The following FER1L5 variants were observed in gnomAD, a reference collection of about 807,000 sequenced individuals.
The protein encoded by FER1L5 is fer-1 like family member 5.
A neutral mutation model predicts 279.9 loss-of-function variants in FER1L5; 187 were observed. That is an observed-to-expected ratio of 0.67 (90% confidence interval 0.59 to 0.75). The LOEUF is 0.75. Ranked by LOEUF, FER1L5 falls within the 30% of genes least tolerant of loss-of-function variation. The probability of loss-of-function intolerance (pLI) is 0.00; values close to 1 mark genes in which losing one functional copy is unlikely to be tolerated. For synonymous variants in FER1L5, 921 were observed against 989.7 expected (o/e 0.93, Z 1.30); for missense variants, 2,091 against 2,594.4 (o/e 0.81, Z 4.21).
At position 96,690,372 on chromosome 2, in the gene FER1L5, G is replaced by GCAC. The variant is rs1184686468; in HGVS notation, c.2641-115_2641-114insCAC. ...GGTGTGGCAAGCACAGTCTGGCCTG[G>GCAC]AGTGGGAGGCTGCTGCGGCCACAGC... On this transcript the variant is annotated intron_variant, in intron 26 of 52. Transcript: ENST00000624922. 3.5e-6 allele frequency: 3 copies of GCAC among 866,668 alleles called. No homozygotes were observed. The African/African-American group carries it at 5.0e-5, about 14-fold the overall frequency. The allele number at this position is 866,668 out of a possible 1,614,324, so 53.7% of individuals were successfully genotyped here. A position where few individuals can be genotyped will look rare whatever the true frequency, so the allele number is the denominator to read the frequency against.
Position 96,694,555 on chromosome 2 carries a change from T to A in FER1L5, c.3741+91T>A. The stretch of plus-strand genomic sequence containing the variant: ...CCTTCTGCTGGTCCTCCCTGACTAC[T>A]GGATCCAAAGCTCACACCCCGAAAA... On this transcript the variant is annotated intron_variant, in intron 34 of 52. Coordinates refer to ENST00000624922, the MANE Select transcript of FER1L5 (RefSeq NM_001293083.2). This position sits in a 1 kb window ranked among gnomAD's most constrained non-coding sequence, Gnocchi z 4.6. The A allele has an allele frequency of 1.9e-6, 2 of 1,057,572 alleles. No individual in the cohort carries two copies. Among genetic ancestry groups the A allele is most frequent in the Non-Finnish European group, 2.6e-6 (2 of 769,090 alleles). The allele number at this position is 1,057,572 out of a possible 1,614,324, so 65.5% of individuals were successfully genotyped here.
Position 96,703,633 on chromosome 2 carries a change from G to A in FER1L5, c.5801+1G>A, listed in dbSNP as rs1452637225. 2 of 1,613,686 alleles carry A rather than the reference G, an allele frequency of 1.2e-6. No individual in the cohort carries two copies. Among genetic ancestry groups the A allele is most frequent in the Non-Finnish European group, 1.7e-6 (2 of 1,179,706 alleles). On this transcript the variant is annotated splice_donor_variant, in intron 51 of 52. Coordinates refer to ENST00000624922, the MANE Select transcript of FER1L5 (RefSeq NM_001293083.2). LOFTEE classifies it high-confidence loss of function. ...AGTACCCCACACTTCATCCTCCCCT[G>A]TAAGGGTCCTTGGGGCAAAAGCACC...
In FER1L5 at chr2:96,704,456, T is replaced by C; in HGVS notation, c.5950-12T>C. 6.2e-7 allele frequency: 1 copy of C among 1,613,824 alleles called. No homozygotes were observed. The highest frequency in any genetic ancestry group is 1.1e-5 in the South Asian group (1 of 91,086). ...TTGCCACCCCAGGCTAACTGTTGTC[T>C]GTTCTCTCTAGCACTATTTGGCCAT... On this transcript the variant is annotated splice_polypyrimidine_tract_variant and intron_variant, in intron 52 of 52. Transcript: ENST00000624922.
chr2:96,682,551 G>A (rs2076769076), intron 19 of FER1L5, among the ~76,000 whole-genome samples: 1 of 152,212 alleles, frequency 6.6e-6, no homozygotes, highest in African/African-American at 2.4e-5. Context: ...ATGTACACTG[G>A]TTCTCAGCTG....
chr2:96,676,637 T>G (rs538801017), intron 19 of FER1L5, among the ~76,000 whole-genome samples: 10 of 152,000 alleles, frequency 6.6e-5, no homozygotes, highest in Admixed American at 2.6e-4. Flanking sequence ...TTTTGTTTTT[T>G]TTTTTTTTTA....
rs1029999708 is a variant in FER1L5, at chr2:96,698,771, G to A, written c.4457G>A (p.Cys1486Tyr). Residue 1486 changes from cysteine to tyrosine, a missense_variant, in exon 41 of 53, where the codon TGC becomes TAC. Transcript: ENST00000624922. This position sits in a 1 kb window ranked among gnomAD's most constrained non-coding sequence, Gnocchi z 5.5. Reference protein sequence around the residue: ...WPEREDFPQPCLVRVYMVRAI... With the variant: ...WPEREDFPQPYLVRVYMVRAI... ...GAGAGAGAGGACTTCCCCCAGCCGT[G>A]CTTGGTGCGGGTGTACATGGTACGA... The A allele has an allele frequency of 7.7e-6, 12 of 1,567,832 alleles. No individual in the cohort carries two copies. The highest frequency in any genetic ancestry group is 1.0e-5 in the Non-Finnish European group (12 of 1,156,714).
intron 14 of FER1L5, 53 bp from the exon 15 acceptor site, chr2:96,668,698 G>T: frequency 6.5e-6 from 10 of 1,548,244 alleles, no homozygotes; most frequent in Non-Finnish European, 8.7e-6. Flanking sequence ...ATCTCCACGA[G>T]GGCCAGACCA....
At chr2:96,687,095 T>C (rs1233249713) in intron 23 of FER1L5, among the ~76,000 whole-genome samples, 1 of 151,994 alleles carries the variant, frequency 6.6e-6, no homozygotes. Context: ...TCCCTGCTTC[T>C]AATCCTCCCT....
At chr2:96,688,046 C>G in intron 24 of FER1L5, 99 bp downstream of exon 24, 1 of 1,464,124 alleles carries the variant, frequency 6.8e-7, no homozygotes, top group Non-Finnish European at 9.3e-7. Context: ...GGGGATTTGG[C>G]GTGAGAAGGG....
At chr2:96,685,493 C>A in intron 21 of FER1L5, 64 bp downstream of exon 21, 2 of 1,396,478 alleles carry the variant, frequency 1.4e-6, no homozygotes, top group Non-Finnish European at 2.0e-6. Flanking sequence ...GGCCTGGGGA[C>A]TCAGCGCAGT....
In FER1L5 at chr2:96,695,514, G is replaced by A; in HGVS notation, c.3747G>A (p.Leu1249=). 6.3e-7 allele frequency: 1 copy of A among 1,587,680 alleles called. No individual in the cohort carries two copies. The highest frequency in any genetic ancestry group is 1.7e-4 in the Middle Eastern group (1 of 6,008). ...CTCCTTCTTTGTTCTGGTAGATCCT[G>A]GCCTGGGGCCTTCGGAACATGAAGA... is the stretch of plus-strand genomic sequence containing the variant. ...PTIKRMAIEI[L]AWGLRNMKKA... Residue 1249 remains leucine, a synonymous_variant, in exon 35 of 53, where the codon CTG becomes CTA. Coordinates refer to ENST00000624922, the MANE Select transcript of FER1L5 (RefSeq NM_001293083.2).
At position 96,692,171 on chromosome 2, in the gene FER1L5, G is replaced by A; in HGVS notation, c.3282G>A (p.Leu1094=). 1 of 1,551,682 alleles carries A rather than the reference G, an allele frequency of 6.4e-7. No homozygotes were observed. Residue 1094 remains leucine, a synonymous_variant, in exon 31 of 53, where the codon CTG becomes CTA. Coordinates refer to ENST00000624922, the MANE Select transcript of FER1L5 (RefSeq NM_001293083.2). ...QARNLVSNQI[L]TFQGPFIRVV... is the part of the protein sequence containing the mutation. ...GGAACCTGGTGTCCAATCAGATCCT[G>A]ACATTCCAAGGTAGGTGGCAGGCAG...
chr2:96,700,148 G>A, intron 44 of FER1L5, 68 bp downstream of exon 44: 1 of 1,595,806 alleles, frequency 6.3e-7, no homozygotes, highest in Non-Finnish European at 8.5e-7. Context: ...GCTCCAGAAT[G>A]GAAGAGCTGC....
Position 96,689,561 on chromosome 2 carries a change from A to C in FER1L5, c.2526-83A>C. On this transcript the variant is annotated intron_variant, in intron 25 of 52. Coordinates refer to ENST00000624922, the MANE Select transcript of FER1L5 (RefSeq NM_001293083.2). The surrounding 1 kb of genome is among the most constrained non-coding windows in gnomAD (Gnocchi z 4.6). ...AGCAGGTGGGGATGGGATGCCAGGT[A>C]TGGGAACGCTTGGCCAGCAGAAGAC... 3 of 1,428,146 alleles carry C rather than the reference A, an allele frequency of 2.1e-6. No individual in the cohort carries two copies. The highest frequency in any genetic ancestry group is 2.9e-6 in the Non-Finnish European group (3 of 1,037,382). 88.5% of individuals were successfully genotyped at this position (1,428,146 alleles called of 1,614,324 possible). A position where few individuals can be genotyped will look rare whatever the true frequency, so the allele number is the denominator to read the frequency against.
intron 45 of FER1L5, 106 bp downstream of exon 45, chr2:96,700,577 C>A: frequency 1.4e-6 from 2 of 1,466,254 alleles, no homozygotes; most frequent in African/African-American, 1.4e-5. Context: ...GAAGGACAGG[C>A]CAAACATTTA....
rs148267236 is a variant in FER1L5, at chr2:96,692,024, G to T, written c.3214+61G>T. 1.0e-4 allele frequency: 136 copies of T among 1,345,038 alleles called. 1 individual carries two copies. Among genetic ancestry groups the T allele is most frequent in the Admixed American group, 2.4e-4 (12 of 50,412 alleles). The allele number at this position is 1,345,038 out of a possible 1,614,324, so 83.3% of individuals were successfully genotyped here. A position where few individuals can be genotyped will look rare whatever the true frequency, so the allele number is the denominator to read the frequency against. ...CAGAGGCCAGTACCCGAGGGCGGGG[G>T]GGGGGGACAGGGTGGGGGCAGTCAG... On this transcript the variant is annotated intron_variant, in intron 30 of 52. Transcript: ENST00000624922.
rs776319198 is a variant in FER1L5 at position 96,704,684 on chromosome 2, G to A, written c.6166G>A (p.Gly2056Arg). Residue 2056 changes from glycine (G) to arginine (R), a missense_variant, in exon 53 of 53, where the codon GGA becomes AGA. Physicochemically the swap from Gly to Arg is moderately radical, Grantham distance 125. Transcript: ENST00000624922. Reference protein sequence around the residue: ...SDIFPELPAPGD With the variant: ...SDIFPELPAPRD ...TATTTTCCCAGAACTTCCAGCCCCA[G>A]GAGACTAATTAGTCCATGCTGCCTG... 20 of 1,613,714 alleles carry A rather than the reference G, an allele frequency of 1.2e-5. No individual in the cohort carries two copies. The highest frequency in any genetic ancestry group is 3.3e-5 in the Admixed American group (2 of 59,986).
At chr2:96,673,611 C>T (rs1392370947) in intron 19 of FER1L5, among the ~76,000 whole-genome samples, 1 of 152,168 alleles carries the variant, frequency 6.6e-6, no homozygotes, top group Non-Finnish European at 1.5e-5. Context: ...AGCCACTCAA[C>T]TCCCACCCAC....
At chr2:96,670,098 T>C in intron 17 of FER1L5, 21 bp from the exon 18 acceptor site, 1 of 1,551,258 alleles carries the variant, frequency 6.4e-7, no homozygotes, top group Non-Finnish European at 8.7e-7. Context: ...CTTTTCTCCG[T>C]TTTCCTCTCG....
Sources: gnomAD v4.1 joint callset for allele counts (sites outside exome capture counted in the v4.1 genomes callset) on GRCh38, gnomAD v4.1.1 for gene constraint, Gnocchi (gnomAD v3.1) non-coding constraint, MANE v1.5 for transcripts, NCBI Gene and HGNC (gene_info 2026-07-23, HGNC 2026-07-21) for gene names.